The following MALRD1 variants were observed in gnomAD, a reference collection of about 807,000 sequenced individuals.
MALRD1 encodes the protein MAM and LDL-receptor class A domain-containing protein 1.
MALRD1 carries 247 observed loss-of-function variants against 242.1 expected under a neutral mutation model. That is an observed-to-expected ratio of 1.02 (90% CI 0.92 to 1.13). MALRD1 has a LOEUF of 1.13. Ranked by LOEUF, MALRD1 falls within the 50% of genes most tolerant of loss-of-function variation. MALRD1 has a pLI of 0.00. For missense variants in MALRD1, 2,989 were observed against 2,533.1 expected (o/e 1.18, Z -3.86); for synonymous variants, 995 against 866.6 (o/e 1.15, Z -2.60).
At chr10:19,144,842 G>A (rs1487693567) in intron 10 of MALRD1, among the ~76,000 whole-genome samples, 1 of 152,086 alleles carries the variant, frequency 6.6e-6, no homozygotes, top group Non-Finnish European at 1.5e-5. Flanking sequence ...AAGAATTAAG[G>A]TTAATATATG....
At chr10:19,325,713 A>C (rs749132008) in intron 22 of MALRD1, among the ~76,000 whole-genome samples, 1 of 152,146 alleles carries the variant, frequency 6.6e-6, no homozygotes, top group African/African-American at 2.4e-5. Context: ...GAGTAGGGCT[A>C]TCTTGCTGGA....
chr10:19,328,397 C>T (rs1843225947), intron 23 of MALRD1, among the ~76,000 whole-genome samples: 1 of 152,058 alleles, frequency 6.6e-6, no homozygotes, highest in South Asian at 2.1e-4. Flanking sequence ...AACACAGAGC[C>T]ATTTATGTAC....
intron 26 of MALRD1, among the ~76,000 whole-genome samples, chr10:19,383,555 A>G (rs916103486): frequency 4.6e-5 from 7 of 151,998 alleles, no homozygotes; most frequent in Admixed American, 2.6e-4. Flanking sequence ...TATTCCTTTG[A>G]TAACTTTTTG....
At chr10:19,445,728 T>G (rs563653772) in intron 28 of MALRD1, among the ~76,000 whole-genome samples, 2 of 152,352 alleles carry the variant, frequency 1.3e-5, no homozygotes, top group African/African-American at 4.8e-5. Flanking sequence ...TGTCTCCCAC[T>G]TAGGCTACTT....
chr10:19,237,292 C>T (rs1458488338), intron 18 of MALRD1, among the ~76,000 whole-genome samples: 7 of 150,932 alleles, frequency 4.6e-5, no homozygotes, highest in Non-Finnish European at 1.0e-4. Flanking sequence ...TTTTGCCCTC[C>T]CCACTTCTTC....
intron 38 of MALRD1, among the ~76,000 whole-genome samples, chr10:19,701,504 T>C (rs2131847366): frequency 6.6e-6 from 1 of 152,108 alleles, no homozygotes; most frequent in East Asian, 1.9e-4. Flanking sequence ...CAAAACTGGG[T>C]TGGGGCGATG....
chr10:19,160,488 GGGA>G (rs1834350151), intron 12 of MALRD1, among the ~76,000 whole-genome samples: 1 of 47,480 alleles, frequency 2.1e-5, no homozygotes, highest in Non-Finnish European at 4.1e-5. Context: ...AAATGAGTTA[GGGA>G]GGATTCCCTC....
chr10:19,629,629 T>C (rs1212240496), intron 36 of MALRD1, among the ~76,000 whole-genome samples: 3 of 152,156 alleles, frequency 2.0e-5, no homozygotes, highest in African/African-American at 7.2e-5. Context: ...CTCTTCTTTC[T>C]TTGCTGTGTG....
At chr10:19,259,906 T>A (rs1056200988) in intron 19 of MALRD1, among the ~76,000 whole-genome samples, 5 of 152,110 alleles carry the variant, frequency 3.3e-5, no homozygotes, top group East Asian at 1.9e-4. Context: ...CTATCACCCT[T>A]ATGGTTAAAT....
At chr10:19,449,440 G>C (rs1375030581) in intron 28 of MALRD1, among the ~76,000 whole-genome samples, 1 of 152,132 alleles carries the variant, frequency 6.6e-6, no homozygotes, top group Admixed American at 6.6e-5. Context: ...TTATAATAAT[G>C]GTGTCTCTAA....
intron 2 of MALRD1, among the ~76,000 whole-genome samples, chr10:19,078,507 G>A (rs1022040723): frequency 3.3e-5 from 5 of 151,858 alleles, no homozygotes; most frequent in African/African-American, 1.2e-4. Flanking sequence ...TCTTTGTCTG[G>A]TTTTGGTTTA....
intron 4 of MALRD1, among the ~76,000 whole-genome samples, chr10:19,099,991 C>T (rs779317685): frequency 1.2e-4 from 19 of 152,072 alleles, no homozygotes; most frequent in Admixed American, 2.6e-4. Context: ...GAACTCCTGA[C>T]CTCAGGTGAT....
At chr10:19,386,030 G>T (rs536067580) in intron 26 of MALRD1, among the ~76,000 whole-genome samples, 1 of 152,156 alleles carries the variant, frequency 6.6e-6, no homozygotes, top group South Asian at 2.1e-4. Flanking sequence ...CACCTAATTA[G>T]GCAACCTCAA....
At chr10:19,575,483 T>TCACACACACA (rs66882231) in intron 33 of MALRD1, among the ~76,000 whole-genome samples, 27 of 148,558 alleles carry the variant, frequency 1.8e-4, no homozygotes, top group African/African-American at 6.7e-4. Flanking sequence ...AGGCCATGGT[T>TCACACACACA]CACACACACA....
chr10:19,354,917 T>G (rs542260965), intron 26 of MALRD1, among the ~76,000 whole-genome samples: 1 of 152,032 alleles, frequency 6.6e-6, no homozygotes, highest in Admixed American at 6.6e-5. Flanking sequence ...AAAAAGAAAT[T>G]TGGAGAAAAG....
chr10:19,304,011 A>T (rs1029069033), intron 21 of MALRD1, among the ~76,000 whole-genome samples: 7 of 151,722 alleles, frequency 4.6e-5, no homozygotes, highest in Non-Finnish European at 1.0e-4. Context: ...GGGTTAAGGG[A>T]TACTGGGGTA....
chr10:19,565,383 G>A (rs980127575), intron 32 of MALRD1, among the ~76,000 whole-genome samples: 1 of 152,024 alleles, frequency 6.6e-6, no homozygotes, highest in African/African-American at 2.4e-5. Context: ...GAGGTTTGGG[G>A]AAAAACAAAG....
intron 36 of MALRD1, among the ~76,000 whole-genome samples, chr10:19,624,110 C>T (rs1440088685): frequency 1.3e-5 from 2 of 152,078 alleles, no homozygotes; most frequent in African/African-American, 4.8e-5. Context: ...GGTAATCTCT[C>T]ACAAAACTAC....
At chr10:19,483,951 A>G (rs996173839) in intron 29 of MALRD1, among the ~76,000 whole-genome samples, 3 of 152,198 alleles carry the variant, frequency 2.0e-5, no homozygotes, top group Non-Finnish European at 4.4e-5. Context: ...AGCCATAAAA[A>G]GGAATGATAT....
Sources: gnomAD v4.1 joint callset for allele counts (sites outside exome capture counted in the v4.1 genomes callset) on GRCh38, gnomAD v4.1.1 for gene constraint, MANE v1.5 for transcripts, NCBI Gene and HGNC (gene_info 2026-07-23, HGNC 2026-07-21) for gene names.